Variants in STRBP observed in about 807,000 individuals in gnomAD.
The protein encoded by STRBP is spermatid perinuclear RNA-binding protein.
In STRBP, 13 loss-of-function variants were observed where a neutral mutation model predicts 80.1. The observed-to-expected ratio is 0.16, with a 90% confidence interval of 0.11 to 0.26. The LOEUF (loss-of-function observed/expected upper bound fraction) is 0.26, where lower values mean the gene tolerates loss of function less well. Among genes scored for constraint, STRBP ranks in the 10% least tolerant of loss-of-function variants. STRBP has a pLI of 1.00. For synonymous variants in STRBP, 284 were observed against 291.2 expected, an observed-to-expected ratio of 0.98 and a Z score of 0.25; for missense variants, 485 against 815.2, an observed-to-expected ratio of 0.59 and a Z score of 4.93.
At position 123,121,948 on chromosome 9, in the gene STRBP, T is replaced by TACACAC. The variant is rs55960341; in HGVS notation, c.*3643_*3648dup. 85 of 154,532 alleles carry TACACAC rather than the reference T, an allele frequency of 5.5e-4. No homozygotes were observed. The highest frequency in any genetic ancestry group is 8.5e-4 in the African/African-American group (35 of 41,214). 9.6% of individuals were successfully genotyped at this position (154,532 alleles called of 1,614,324 possible). ...ACATACGTGTTATATCCTAAGTTTC[T>TACACAC]ACACACACACACACACACACACACA... is the stretch of plus-strand genomic sequence containing the variant. On this transcript the variant is annotated 3_prime_UTR_variant, in exon 19 of 19. Transcript: ENST00000348403.
At chr9:123,259,544 T>TA (rs2041115347) in intron 1 of STRBP, among the ~76,000 whole-genome samples, 1 of 151,938 alleles carries the variant, frequency 6.6e-6, no homozygotes, top group Admixed American at 6.6e-5. Context: ...CCGTCTCTAC[T>TA]AAAAAATACA....
chr9:123,187,710 T>C (rs2038753538), intron 2 of STRBP, among the ~76,000 whole-genome samples: 1 of 152,108 alleles, frequency 6.6e-6, no homozygotes, highest in Non-Finnish European at 1.5e-5. Flanking sequence ...TATAGAAAAG[T>C]TGAGTGGAAA....
chr9:123,226,831 C>T (rs1000363322), intron 2 of STRBP, among the ~76,000 whole-genome samples: 1 of 152,038 alleles, frequency 6.6e-6, no homozygotes, highest in Admixed American at 6.6e-5. Flanking sequence ...GCTATTATAA[C>T]AGAATACCAC....
chr9:123,268,003 G>C (rs1414834823), intron 1 of STRBP, among the ~76,000 whole-genome samples: 1 of 137,724 alleles, frequency 7.3e-6, no homozygotes, highest in Non-Finnish European at 1.6e-5. Context: ...CCCCAAATCT[G>C]CCCACACCTT....
chr9:123,188,181 C>G (rs946846033), intron 2 of STRBP, among the ~76,000 whole-genome samples: 1 of 152,110 alleles, frequency 6.6e-6, no homozygotes, highest in Non-Finnish European at 1.5e-5. Flanking sequence ...GTTTCTCCAT[C>G]TTTTCATGGA....
intron 11 of STRBP, among the ~76,000 whole-genome samples, chr9:123,152,302 A>C (rs1436889255): frequency 6.6e-6 from 1 of 152,190 alleles, no homozygotes; most frequent in Non-Finnish European, 1.5e-5. Flanking sequence ...TGAAGCCAGC[A>C]TAACATTGAA....
intron 5 of STRBP, among the ~76,000 whole-genome samples, chr9:123,171,404 A>T (rs747619202): frequency 2.6e-5 from 4 of 152,182 alleles, no homozygotes; most frequent in Non-Finnish European, 5.9e-5. Context: ...CTCGGGAAAA[A>T]GATTTTTGGT....
At chr9:123,195,316 TATCTAAA>T (rs1476326697) in intron 2 of STRBP, among the ~76,000 whole-genome samples, 1 of 152,046 alleles carries the variant, frequency 6.6e-6, no homozygotes, top group African/African-American at 2.4e-5. Context: ...CTTACAACAC[TATCTAAA>T]ATCTGACTAT....
chr9:123,263,152 T>C (rs2041192974), intron 1 of STRBP, among the ~76,000 whole-genome samples: 1 of 152,084 alleles, frequency 6.6e-6, no homozygotes, highest in African/African-American at 2.4e-5. Flanking sequence ...GTAAAATGGG[T>C]AACAGTGTCC....
At chr9:123,259,170 C>T (rs2041107429) in intron 1 of STRBP, among the ~76,000 whole-genome samples, 2 of 151,558 alleles carry the variant, frequency 1.3e-5, no homozygotes, top group African/African-American at 4.8e-5. Context: ...ATATTTTAAA[C>T]AGAGCTGCTA....
downstream of STRBP, among the ~76,000 whole-genome samples, chr9:123,117,891 C>G (rs1386602224): frequency 6.6e-6 from 1 of 152,244 alleles, no homozygotes; most frequent in Non-Finnish European, 1.5e-5. Flanking sequence ...GATAAAAATG[C>G]TTCCTCTGTG....
intron 4 of STRBP, 70 bp downstream of exon 4, chr9:123,178,936 CT>C: frequency 6.9e-7 from 1 of 1,455,692 alleles, no homozygotes; most frequent in South Asian, 1.2e-5. Flanking sequence ...ATAACACACA[CT>C]CAATCCAGCA....
At chr9:123,143,302 AT>A in intron 13 of STRBP, among the ~76,000 whole-genome samples, 1 of 152,328 alleles carries the variant, frequency 6.6e-6, no homozygotes, top group African/African-American at 2.4e-5. Flanking sequence ...GGCTGCCAGG[AT>A]AGAGAAGTGG....
chr9:123,160,540 C>A, intron 7 of STRBP, 78 bp from the exon 8 acceptor site: 2 of 1,063,298 alleles, frequency 1.9e-6, no homozygotes, highest in Non-Finnish European at 2.6e-6. Context: ...CAAGTGAATA[C>A]TAAGTAGCAA....
At chr9:123,245,460 G>A (rs1055397330) in intron 1 of STRBP, among the ~76,000 whole-genome samples, 2 of 152,170 alleles carry the variant, frequency 1.3e-5, no homozygotes, top group African/African-American at 4.8e-5. Context: ...CACGATCTCG[G>A]CTCACTGCAA....
At chr9:123,118,738 G>A (rs950991703), downstream of STRBP, among the ~76,000 whole-genome samples, 4 of 152,152 alleles carry the variant, frequency 2.6e-5, no homozygotes, top group South Asian at 2.1e-4. Flanking sequence ...TCTACGTAAC[G>A]CAGTTTTTAT....
intron 2 of STRBP, among the ~76,000 whole-genome samples, chr9:123,207,128 T>C (rs1436203517): frequency 6.6e-6 from 1 of 152,186 alleles, no homozygotes; most frequent in Non-Finnish European, 1.5e-5. Context: ...AATTTAATAG[T>C]AACTGATAAC....
intron 2 of STRBP, among the ~76,000 whole-genome samples, chr9:123,228,050 G>C (rs893103093): frequency 6.6e-6 from 1 of 152,184 alleles, no homozygotes; most frequent in Non-Finnish European, 1.5e-5. Flanking sequence ...TTTAAGGTGA[G>C]GTCAACGAGA....
At chr9:123,141,138 G>T (rs750485165) in intron 13 of STRBP, among the ~76,000 whole-genome samples, 9 of 152,134 alleles carry the variant, frequency 5.9e-5, no homozygotes, top group Non-Finnish European at 1.3e-4. Context: ...TGGTTATGGT[G>T]GCCACACAAA....
Sources: gnomAD v4.1 joint callset for allele counts (sites outside exome capture counted in the v4.1 genomes callset) on GRCh38, gnomAD v4.1.1 for gene constraint, MANE v1.5 for transcripts, NCBI Gene and HGNC (gene_info 2026-07-23, HGNC 2026-07-21) for gene names.